Variants in SGCZ observed in about 807,000 individuals in gnomAD.
The protein encoded by SGCZ is zeta-sarcoglycan.
Under a neutral mutation model 41.3 loss-of-function variants are expected in SGCZ, and 40 were observed. The ratio of observed to expected loss-of-function variants is 0.97; its 90% CI spans 0.75 to 1.26. The LOEUF is 1.26. Ranked by LOEUF, SGCZ falls within the 50% of genes most tolerant of loss-of-function variation. The pLI is 0.00. For missense variants in SGCZ, 552 were observed against 369.8 expected (o/e 1.49, Z -4.04); for synonymous variants, 206 against 137.5 (o/e 1.50, Z -3.49).
intron 2 of SGCZ, among the ~76,000 whole-genome samples, chr8:14,333,259 G>T (rs1293672417): frequency 1.3e-5 from 2 of 151,930 alleles, no homozygotes; most frequent in African/African-American, 4.8e-5. Context: ...AAAAGCCAAG[G>T]GTGCTATCAT....
intron 1 of SGCZ, among the ~76,000 whole-genome samples, chr8:15,092,353 C>T (rs901327659): frequency 6.6e-6 from 1 of 152,088 alleles, no homozygotes; most frequent in Non-Finnish European, 1.5e-5. Flanking sequence ...ATACAGAAAA[C>T]TTTTATCTTG....
intron 2 of SGCZ, among the ~76,000 whole-genome samples, chr8:14,554,303 T>A (rs113887950): frequency 6.6e-6 from 1 of 151,986 alleles, no homozygotes; most frequent in African/African-American, 2.4e-5. Flanking sequence ...AAAGCAGATA[T>A]AGAGATATAT....
intron 4 of SGCZ, among the ~76,000 whole-genome samples, chr8:14,174,202 C>T (rs540523962): frequency 2.0e-5 from 3 of 152,116 alleles, no homozygotes; most frequent in Non-Finnish European, 4.4e-5. Flanking sequence ...AAAATTGAAA[C>T]ACTTTACCTG....
Position 15,237,581 on chromosome 8 carries a change from G to A in SGCZ, c.39+4C>T. ...CCGCGAAGCCCGCCCGGACCCGCAC[G>A]TACCTTGAGCTCCTCAATGTCCAGG... is the stretch of plus-strand genomic sequence containing the variant. On this transcript the variant is annotated splice_donor_region_variant and intron_variant, in intron 1 of 7. Coordinates refer to ENST00000382080, the MANE Select transcript of SGCZ (RefSeq NM_139167.4). 6.3e-7 allele frequency: 1 copy of A among 1,589,002 alleles called. No individual in the cohort carries two copies. The highest frequency in any genetic ancestry group is 2.3e-5 in the East Asian group (1 of 44,034).
At chr8:14,434,790 A>G (rs556635757) in intron 2 of SGCZ, among the ~76,000 whole-genome samples, 1 of 152,262 alleles carries the variant, frequency 6.6e-6, no homozygotes, top group East Asian at 1.9e-4. Context: ...TTAGCTAGGC[A>G]CGGTAACGCA....
chr8:14,730,797 A>C (rs1315442902), intron 1 of SGCZ, among the ~76,000 whole-genome samples: 1 of 151,896 alleles, frequency 6.6e-6, no homozygotes, highest in Admixed American at 6.6e-5. Flanking sequence ...AAAACAATTA[A>C]TAATTACATT....
At chr8:14,597,322 T>G (rs892377112) in intron 1 of SGCZ, among the ~76,000 whole-genome samples, 1 of 152,194 alleles carries the variant, frequency 6.6e-6, no homozygotes, top group African/African-American at 2.4e-5. Flanking sequence ...CAAGGACTTT[T>G]AAGTTAGAAT....
intron 2 of SGCZ, among the ~76,000 whole-genome samples, chr8:14,396,640 T>C (rs1239247754): frequency 6.6e-6 from 1 of 152,088 alleles, no homozygotes; most frequent in Non-Finnish European, 1.5e-5. Flanking sequence ...CTAGACAACC[T>C]GGTAGCTAAT....
intron 2 of SGCZ, among the ~76,000 whole-genome samples, chr8:14,433,970 G>A (rs572910183): frequency 7.8e-4 from 118 of 151,964 alleles, no homozygotes; most frequent in African/African-American, 2.7e-3. Context: ...AAGCTCTTTC[G>A]TTTAAGTCCC....
chr8:14,704,476 A>G (rs1411718102), intron 1 of SGCZ, among the ~76,000 whole-genome samples: 1 of 152,026 alleles, frequency 6.6e-6, no homozygotes, highest in Non-Finnish European at 1.5e-5. Flanking sequence ...CAAATTTCAA[A>G]GATACCTTAT....
intron 1 of SGCZ, among the ~76,000 whole-genome samples, chr8:14,994,303 G>A (rs1259156673): frequency 6.6e-6 from 1 of 152,242 alleles, no homozygotes; most frequent in South Asian, 2.1e-4. Flanking sequence ...GCATGAGGGG[G>A]CTGGGCATGG....
intron 2 of SGCZ, among the ~76,000 whole-genome samples, chr8:14,515,972 T>G (rs1182265810): frequency 1.3e-5 from 2 of 151,830 alleles, no homozygotes; most frequent in African/African-American, 2.4e-5. Context: ...AATAACTTAG[T>G]AAGCAATAAT....
intron 1 of SGCZ, among the ~76,000 whole-genome samples, chr8:14,815,818 T>C (rs1489698151): frequency 2.0e-5 from 3 of 152,192 alleles, no homozygotes; most frequent in Admixed American, 1.3e-4. Context: ...ATAAAACTGA[T>C]GTTATGTGTG....
At chr8:14,850,786 A>G (rs1803289235) in intron 1 of SGCZ, among the ~76,000 whole-genome samples, 2 of 152,136 alleles carry the variant, frequency 1.3e-5, no homozygotes. Context: ...ATAGTGAGTG[A>G]GTTCTCAGGA....
intron 2 of SGCZ, among the ~76,000 whole-genome samples, chr8:14,513,031 G>C (rs541493236): frequency 6.6e-6 from 1 of 152,060 alleles, no homozygotes; most frequent in African/African-American, 2.4e-5. Flanking sequence ...AATCTTGTTC[G>C]TGCCTTGCTC....
intron 1 of SGCZ, among the ~76,000 whole-genome samples, chr8:14,950,347 CT>C (rs1800593326): frequency 1.3e-5 from 2 of 151,824 alleles, no homozygotes; most frequent in South Asian, 4.1e-4. Context: ...CATTTCCTTC[CT>C]TTTTTCTTTC....
chr8:14,258,163 A>G (rs10087038), intron 3 of SGCZ, among the ~76,000 whole-genome samples: 58,155 of 151,860 alleles, frequency 0.38, 12,497 homozygotes, highest in Non-Finnish European at 0.5. Context: ...AAAAGAGAAT[A>G]TAGATACTAA....
intron 1 of SGCZ, among the ~76,000 whole-genome samples, chr8:15,216,184 G>T (rs2117171934): frequency 6.6e-6 from 1 of 151,468 alleles, no homozygotes; most frequent in South Asian, 2.1e-4. Context: ...CAAGAAAAAA[G>T]GATGTTTTAA....
intron 1 of SGCZ, among the ~76,000 whole-genome samples, chr8:14,568,520 CT>C (rs1439530722): frequency 6.8e-6 from 1 of 147,656 alleles, no homozygotes; most frequent in East Asian, 2.0e-4. Flanking sequence ...ATGTCATACT[CT>C]TTTCTGTTGC....
Sources: allele counts gnomAD v4.1 joint callset (sites outside exome capture counted in the v4.1 genomes callset), GRCh38; gene constraint gnomAD v4.1.1; transcripts MANE v1.5; gene names NCBI Gene and HGNC (gene_info 2026-07-23, HGNC 2026-07-21).